Variants in KMT2C observed in about 807,000 individuals in gnomAD.
KMT2C encodes the protein lysine methyltransferase 2C, also known as histone-lysine N-methyltransferase 2C.
In KMT2C, 88 loss-of-function variants were observed where a neutral mutation model predicts 507.9. That is an observed-to-expected ratio of 0.17 (90% CI 0.15 to 0.21). The LOEUF is 0.21. Ranked by LOEUF, KMT2C falls within the 10% of genes least tolerant of loss-of-function variation. KMT2C has a pLI of 1.00. For missense variants in KMT2C, 4,954 were observed against 5,957.8 expected, an observed-to-expected ratio of 0.83 and a Z score of 5.55; for synonymous variants, 2,049 against 2,080.8, an observed-to-expected ratio of 0.98 and a Z score of 0.42.
intron 2 of KMT2C, among the ~76,000 whole-genome samples, chr7:152,339,723 C>T (rs1014566991): frequency 2.0e-5 from 3 of 152,250 alleles, no homozygotes; most frequent in Admixed American, 6.5e-5. Context: ...TGACTATATG[C>T]TCTATGAAAA....
intron 2 of KMT2C, among the ~76,000 whole-genome samples, chr7:152,340,901 GA>G (rs528331584): frequency 5.9e-5 from 9 of 151,802 alleles, no homozygotes; most frequent in East Asian, 3.9e-4. Flanking sequence ...GCTAATAAAT[GA>G]AAAAAAATAG....
At chr7:152,337,719 A>T (rs1345447320) in intron 2 of KMT2C, among the ~76,000 whole-genome samples, 1 of 149,094 alleles carries the variant, frequency 6.7e-6, no homozygotes, top group Non-Finnish European at 1.5e-5. Flanking sequence ...ATCCAAAAAT[A>T]AAAAAAAAAG....
intron 3 of KMT2C, among the ~76,000 whole-genome samples, chr7:152,318,408 C>G (rs2096741210): frequency 6.6e-6 from 1 of 151,860 alleles, no homozygotes; most frequent in Admixed American, 6.6e-5. Context: ...CGAAATCACT[C>G]TGGCCAACAT....
rs55814405 is a variant in KMT2C, at chr7:152,179,659, TGGGGG to T, written c.7442+170_7442+174del. ...AAATTTTTAAATTTGTTGAAGAGGT[TGGGGG>T]GGGGGGGGGGTGGTCTCACTATATT... On this transcript the variant is annotated intron_variant, in intron 37 of 58. Coordinates refer to ENST00000262189, the MANE Select transcript of KMT2C (RefSeq NM_170606.3). 5.6e-3 allele frequency among the ~76,000 whole-genome samples: 372 copies of T among 66,192 alleles called. 12 individuals carry two copies. The highest frequency in any genetic ancestry group is 0.021 in the Middle Eastern group (2 of 96). 43.4% of individuals were successfully genotyped at this position (66,192 alleles called of 152,430 possible). A position where few individuals can be genotyped will look rare whatever the true frequency, so the allele number is the denominator to read the frequency against.
intron 1 of KMT2C, among the ~76,000 whole-genome samples, chr7:152,397,181 T>C (rs1249756435): frequency 1.3e-5 from 2 of 152,004 alleles, no homozygotes; most frequent in East Asian, 1.9e-4. Flanking sequence ...TAGCAGATCT[T>C]ACCGCTGTAA....
rs1178963726 is a variant in KMT2C at position 152,180,905 on chromosome 7, C to T, written c.6955G>A (p.Ala2319Thr). 6.2e-7 allele frequency: 1 copy of T among 1,614,144 alleles called. No individual in the cohort carries two copies. Among genetic ancestry groups the T allele is most frequent in the Non-Finnish European group, 8.5e-7 (1 of 1,180,026 alleles). Residue 2319 changes from alanine to threonine, a missense_variant, in exon 36 of 59, where the codon GCC (alanine) becomes ACC (threonine). Around this residue, in one of 29 missense-constraint regions of KMT2C, gnomAD observed 1,689 missense variants for 1,654.3 expected, o/e 1.02. Coordinates refer to ENST00000262189, the MANE Select transcript of KMT2C (RefSeq NM_170606.3). Reference protein sequence around the residue: ...QSDSFGTSQTAHDVADQPRPG... With the variant: ...QSDSFGTSQTTHDVADQPRPG... ...CTTGGCTGATCAGCAACATCATGGG[C>T]AGTTTGACTTGTTCCAAAAGAGTCA...
intron 31 of KMT2C, 131 bp downstream of exon 31, chr7:152,193,878 G>C: frequency 1.5e-6 from 1 of 664,888 alleles, no homozygotes; most frequent in Admixed American, 3.3e-5. Flanking sequence ...ATTACAAAAG[G>C]GTTTTTCTCC....
chr7:152,415,085 A>G (rs1484488658), intron 1 of KMT2C, among the ~76,000 whole-genome samples: 2 of 152,124 alleles, frequency 1.3e-5, no homozygotes, highest in African/African-American at 4.8e-5. Flanking sequence ...AGCTCAAGCT[A>G]TCAGCCTGCC....
intron 1 of KMT2C, among the ~76,000 whole-genome samples, chr7:152,380,823 A>C (rs2097367562): frequency 6.6e-6 from 1 of 152,120 alleles, no homozygotes; most frequent in South Asian, 2.1e-4. Context: ...GGTAGCACGA[A>C]TGGCGGGCAG....
rs986564125 is a variant in KMT2C, at chr7:152,315,149, T to C, written c.579A>G (p.Arg193=). 2 of 1,613,850 alleles carry C rather than the reference T, an allele frequency of 1.2e-6. No individual in the cohort carries two copies. Among genetic ancestry groups the C allele is most frequent in the Admixed American group, 1.7e-5 (1 of 59,992 alleles). ...KMQNSAPRKQ[R]GQRKERSPQQ... is the part of the protein sequence containing the mutation. ...TCGAAACTGCTTACTTTCTCTGTCC[T>C]CTTTGTTTTCGTGGTGCTGAGTTTT... Residue 193 remains arginine, a synonymous_variant, in exon 4 of 59, where the codon AGA becomes AGG. Transcript: ENST00000262189.
rs746717039 is a variant in KMT2C, at chr7:152,182,345, T to C, written c.5515A>G (p.Thr1839Ala). The C allele has an allele frequency of 1.9e-6, 3 of 1,613,822 alleles. No individual in the cohort carries two copies. Among genetic ancestry groups the C allele is most frequent in the Non-Finnish European group, 2.5e-6 (3 of 1,179,968 alleles). ...AACACATCATCTGAAGATGTAGACG[T>C]AGGGGTACTGGGTGGCTGTTTTGTA... The part of the protein sequence containing the change: ...LFTKQPPSTP[T>A]STSSDDVFVK... Residue 1839 changes from threonine (T) to alanine (A), a missense_variant, in exon 36 of 59, where the codon ACG becomes GCG. Transcript: ENST00000262189.
At chr7:152,192,628 T>C (rs977920460) in intron 31 of KMT2C, among the ~76,000 whole-genome samples, 8 of 152,118 alleles carry the variant, frequency 5.3e-5, no homozygotes, top group Non-Finnish European at 1.0e-4. Flanking sequence ...GTAAATCACA[T>C]GTTTAGCCTA....
rs564144414 is a variant in KMT2C at position 152,356,004 on chromosome 7, C to T, written c.250+2583G>A. Among the ~76,000 whole-genome samples the T allele has an allele frequency of 4.7e-4, 71 of 152,006 alleles. 1 individual carries two copies. The highest frequency in any genetic ancestry group is 6.3e-4 in the Non-Finnish European group (43 of 67,992). On this transcript the variant is annotated intron_variant, in intron 2 of 58. Transcript: ENST00000262189. ...CAAGGACAACTGCAGAACCAAAGTCCGTAATACATGAGAGGGGACACAATG... is the reference window on the plus strand; with the variant it reads ...CAAGGACAACTGCAGAACCAAAGTCTGTAATACATGAGAGGGGACACAATG...
intron 1 of KMT2C, among the ~76,000 whole-genome samples, chr7:152,413,554 C>T (rs2097702911): frequency 6.6e-6 from 1 of 152,094 alleles, no homozygotes; most frequent in Admixed American, 6.6e-5. Flanking sequence ...TAAAATTCTA[C>T]ATAAGTTTCC....
Position 152,182,578 on chromosome 7 carries a change from C to G in KMT2C, c.5282G>C (p.Ser1761Thr). 6.3e-7 allele frequency: 1 copy of G among 1,576,510 alleles called. No homozygotes were observed. Among genetic ancestry groups the G allele is most frequent in the Non-Finnish European group, 8.6e-7 (1 of 1,160,418 alleles). ...WKFRQQMRQK[S>T]KQQAKIEATQ... The stretch of plus-strand genomic sequence containing the variant: ...GGCTTCAATTTTAGCTTGCTGCTTA[C>G]TTTTCTGACGCATTTGCTATTAAAA... The change falls in exon 36 of 59, where the codon AGT (serine) becomes ACT (threonine). Residue 1761 changes from serine (S) to threonine (T), a missense_variant. Ser to Thr is a moderately conservative substitution (Grantham distance 58). Transcript: ENST00000262189.
intron 24 of KMT2C, among the ~76,000 whole-genome samples, chr7:152,206,349 A>T (rs1354458553): frequency 6.6e-6 from 1 of 152,134 alleles, no homozygotes; most frequent in Non-Finnish European, 1.5e-5. Flanking sequence ...AAAAAAGTAC[A>T]CTTATAAGCC....
chr7:152,367,733 G>A, intron 1 of KMT2C: 1 of 1,162,654 alleles, frequency 8.6e-7, no homozygotes, highest in Non-Finnish European at 1.3e-6. Flanking sequence ...ATTGCTGGCA[G>A]CCTCTTATCG....
intron 25 of KMT2C, among the ~76,000 whole-genome samples, chr7:152,204,587 ACC>A (rs2094241172): frequency 1.4e-5 from 2 of 140,076 alleles, no homozygotes; most frequent in African/African-American, 5.3e-5. Flanking sequence ...ACATAGTGAG[ACC>A]CCTAGATAGA....
chr7:152,311,614 A>G (rs2096672225), intron 5 of KMT2C, among the ~76,000 whole-genome samples, 184 bp downstream of exon 5: 1 of 152,216 alleles, frequency 6.6e-6, no homozygotes. Flanking sequence ...GTGGTACTGT[A>G]CAGATTTTAA....
Sources: gnomAD v4.1 joint callset for allele counts (sites outside exome capture counted in the v4.1 genomes callset) on GRCh38, gnomAD v4.1.1 for gene constraint, gnomAD v4.1.1 regional missense constraint, MANE v1.5 for transcripts, NCBI Gene and HGNC (gene_info 2026-07-23, HGNC 2026-07-21) for gene names.